Variants in SYT1 observed in about 807,000 individuals in gnomAD.
SYT1 encodes synaptotagmin 1, also known as synaptotagmin-1.
A neutral mutation model predicts 44.8 loss-of-function variants in SYT1; 8 were observed. That is an observed-to-expected ratio of 0.18 (90% CI 0.10 to 0.32). SYT1 has a LOEUF of 0.32. Ranked by LOEUF, SYT1 falls within the 10% of genes least tolerant of loss-of-function variation. The probability of loss-of-function intolerance (pLI) is 1.00; values close to 1 mark genes in which losing one functional copy is unlikely to be tolerated. For missense variants in SYT1, 286 were observed against 509.3 expected (o/e 0.56, Z 4.22); for synonymous variants, 154 against 188.8 (o/e 0.82, Z 1.51).
At chr12:79,073,456 G>T (rs1182497732) in intron 3 of SYT1, among the ~76,000 whole-genome samples, 1 of 152,090 alleles carries the variant, frequency 6.6e-6, no homozygotes, top group African/African-American at 2.4e-5. Flanking sequence ...AGGCGAATTC[G>T]GAATGTTGTG....
intron 4 of SYT1, among the ~76,000 whole-genome samples, chr12:79,253,496 TC>T (rs1361279489): frequency 1.3e-5 from 2 of 150,652 alleles, no homozygotes; most frequent in African/African-American, 4.9e-5. Context: ...TCTCTCTCTC[TC>T]TCTCTCTCTC....
At chr12:79,243,040 G>C (rs561981752) in intron 4 of SYT1, among the ~76,000 whole-genome samples, 3 of 152,202 alleles carry the variant, frequency 2.0e-5, no homozygotes, top group Non-Finnish European at 1.5e-5. Context: ...GCAGGCAAGA[G>C]AGCATGTGCA....
intron 3 of SYT1, among the ~76,000 whole-genome samples, chr12:79,195,477 A>C (rs573228164): frequency 6.6e-6 from 1 of 150,912 alleles, no homozygotes; most frequent in East Asian, 1.9e-4. Flanking sequence ...CCTTTGCACA[A>C]TCATATATTT....
intron 3 of SYT1, among the ~76,000 whole-genome samples, chr12:79,125,561 A>C (rs1264895909): frequency 6.6e-6 from 1 of 151,138 alleles, no homozygotes; most frequent in Non-Finnish European, 1.5e-5. Context: ...TGGAGACTGC[A>C]CTGAGCTGTG....
intron 1 of SYT1, among the ~76,000 whole-genome samples, chr12:78,874,031 G>A (rs1873944815): frequency 6.6e-6 from 1 of 151,522 alleles, no homozygotes; most frequent in Admixed American, 6.6e-5. Context: ...AGGTATTAAG[G>A]GAGATATTTG....
At chr12:79,443,333 T>C (rs1870532549) in intron 9 of SYT1, among the ~76,000 whole-genome samples, 1 of 152,212 alleles carries the variant, frequency 6.6e-6, no homozygotes, top group African/African-American at 2.4e-5. Context: ...AAAACCTAAA[T>C]TCCCTTCCTA....
intron 2 of SYT1, among the ~76,000 whole-genome samples, chr12:79,040,260 T>A (rs1306493173): frequency 2.6e-5 from 4 of 151,172 alleles, no homozygotes; most frequent in Non-Finnish European, 4.4e-5. Context: ...GTGTTCCTAT[T>A]TCTCCACATC....
intron 2 of SYT1, among the ~76,000 whole-genome samples, chr12:79,006,553 T>A (rs1394225017): frequency 6.6e-6 from 1 of 152,112 alleles, no homozygotes; most frequent in East Asian, 1.9e-4. Context: ...TCAGTAGGGA[T>A]AAGTATTTGG....
intron 9 of SYT1, among the ~76,000 whole-genome samples, chr12:79,398,417 T>G (rs985133793): frequency 6.6e-6 from 1 of 152,222 alleles, no homozygotes; most frequent in African/African-American, 2.4e-5. Flanking sequence ...GCCAACTTAA[T>G]TTTAAATTTC....
intron 1 of SYT1, among the ~76,000 whole-genome samples, chr12:78,907,490 A>G (rs1876059016): frequency 6.6e-6 from 1 of 152,010 alleles, no homozygotes; most frequent in South Asian, 2.1e-4. Flanking sequence ...TTGTCTAGTT[A>G]AGGACCAAGA....
intron 3 of SYT1, among the ~76,000 whole-genome samples, chr12:79,166,132 C>CT (rs1376060983): frequency 6.6e-6 from 1 of 151,798 alleles, no homozygotes; most frequent in African/African-American, 2.4e-5. Flanking sequence ...TTGTTTTTAC[C>CT]TTTGTAAGCC....
intron 1 of SYT1, among the ~76,000 whole-genome samples, chr12:78,911,820 A>G (rs1876348517): frequency 6.6e-6 from 1 of 151,950 alleles, no homozygotes; most frequent in Non-Finnish European, 1.5e-5. Context: ...CGATTGCCTC[A>G]TTTCTTTCAC....
intron 3 of SYT1, among the ~76,000 whole-genome samples, chr12:79,060,587 G>C (rs868628830): frequency 6.6e-6 from 1 of 151,866 alleles, no homozygotes; most frequent in Non-Finnish European, 1.5e-5. Context: ...TTTTCCTTTT[G>C]TAACTAGGTT....
chr12:79,310,970 A>G (rs948919500), intron 8 of SYT1, among the ~76,000 whole-genome samples: 2 of 152,240 alleles, frequency 1.3e-5, no homozygotes, highest in Non-Finnish European at 2.9e-5. Context: ...AACAGGGACA[A>G]TTTGACTTCC....
chr12:79,146,571 T>C (rs1022776870), intron 3 of SYT1, among the ~76,000 whole-genome samples: 10 of 152,166 alleles, frequency 6.6e-5, no homozygotes, highest in African/African-American at 2.4e-4. Context: ...ATGCTTTGAG[T>C]AGTGTGAAAT....
chr12:79,012,528 G>A (rs1329715755), intron 2 of SYT1, among the ~76,000 whole-genome samples: 1 of 152,176 alleles, frequency 6.6e-6, no homozygotes, highest in Non-Finnish European at 1.5e-5. Context: ...AGTATATGTA[G>A]AGATTTCAAT....
chr12:78,981,121 CTTTGT>C (rs936684493), intron 2 of SYT1, among the ~76,000 whole-genome samples: 1 of 128,632 alleles, frequency 7.8e-6, no homozygotes, highest in African/African-American at 2.9e-5. Flanking sequence ...TTGTTTGTTT[CTTTGT>C]TTTTTTTTTT....
At chr12:79,171,241 A>G (rs886117763) in intron 3 of SYT1, among the ~76,000 whole-genome samples, 1 of 152,082 alleles carries the variant, frequency 6.6e-6, no homozygotes, top group Non-Finnish European at 1.5e-5. Context: ...TGTCAAGAGT[A>G]GTTTAATAGG....
In SYT1 at chr12:78,985,320, C is replaced by T. The variant is rs541768816; in HGVS notation, c.-84+7389C>T. The stretch of plus-strand genomic sequence containing the variant: ...GAAATATGAACACTATCACAATTTT[C>T]TAGGTGATAAGTTATTATACGATTT... On this transcript the variant is annotated intron_variant, in intron 2 of 10. Coordinates refer to ENST00000261205, the MANE Select transcript of SYT1 (RefSeq NM_005639.3). 3.3e-5 allele frequency among the ~76,000 whole-genome samples: 5 copies of T among 151,796 alleles called. No individual in the cohort carries two copies. The South Asian group carries it at 1.0e-3, about 31-fold the overall frequency.
Sources: allele counts gnomAD v4.1 joint callset (sites outside exome capture counted in the v4.1 genomes callset), GRCh38; gene constraint gnomAD v4.1.1; transcripts MANE v1.5; gene names NCBI Gene and HGNC (gene_info 2026-07-23, HGNC 2026-07-21).